Variants in PPP6R3 observed in about 807,000 individuals in gnomAD.
PPP6R3 encodes the protein serine/threonine-protein phosphatase 6 regulatory subunit 3.
In PPP6R3, 38 loss-of-function variants were observed where a neutral mutation model predicts 110.7. The observed-to-expected ratio is 0.34, with a 90% CI of 0.26 to 0.45. The LOEUF is 0.45. Among genes scored for constraint, PPP6R3 ranks in the 20% least tolerant of loss-of-function variants. PPP6R3 has a pLI of 1.00. For missense variants in PPP6R3, 870 were observed against 1,062.4 expected (o/e 0.82, Z 2.52); for synonymous variants, 369 against 373.5 (o/e 0.99, Z 0.14).
intron 1 of PPP6R3, among the ~76,000 whole-genome samples, chr11:68,502,901 G>A (rs2099055563): frequency 6.6e-6 from 1 of 152,102 alleles, no homozygotes; most frequent in African/African-American, 2.4e-5. Context: ...TGGTTGTTTT[G>A]GTTTTATAAA....
At chr11:68,567,612 T>C (rs1015173374) in intron 10 of PPP6R3, among the ~76,000 whole-genome samples, 8 of 152,194 alleles carry the variant, frequency 5.3e-5, no homozygotes, top group African/African-American at 1.9e-4. Flanking sequence ...TTAGCCTGCT[T>C]ACTGATGGAA....
At chr11:68,550,932 A>G (rs2099369379) in intron 5 of PPP6R3, 189 bp from the exon 6 acceptor site, 4 of 528,202 alleles carry the variant, frequency 7.6e-6, no homozygotes, top group Non-Finnish European at 9.9e-6. Flanking sequence ...ACTGTTGGCC[A>G]TTGTTAAAAC....
At chr11:68,529,214 G>T (rs1014074835) in intron 2 of PPP6R3, among the ~76,000 whole-genome samples, 1 of 152,000 alleles carries the variant, frequency 6.6e-6, no homozygotes, top group South Asian at 2.1e-4. Flanking sequence ...ACCTGTTTTT[G>T]GGTGTGTGTG....
At chr11:68,515,396 G>T (rs1425868967) in intron 1 of PPP6R3, among the ~76,000 whole-genome samples, 1 of 152,274 alleles carries the variant, frequency 6.6e-6, no homozygotes, top group Non-Finnish European at 1.5e-5. Flanking sequence ...ACAGGAGATG[G>T]CTGGGACAAA....
chr11:68,573,136 ATATATATATATATATAT>A (rs1565934289), intron 12 of PPP6R3, among the ~76,000 whole-genome samples: 2 of 109,536 alleles, frequency 1.8e-5, no homozygotes, highest in African/African-American at 7.8e-5. Context: ...ATATATATAT[ATATATATATATATATAT>A]AATTTTTTTT....
chr11:68,484,428 GC>G (rs1396899350), intron 1 of PPP6R3, among the ~76,000 whole-genome samples: 1 of 152,018 alleles, frequency 6.6e-6, no homozygotes, highest in Non-Finnish European at 1.5e-5. Flanking sequence ...TCTCATTGTT[GC>G]TTTAATTTGC....
At chr11:68,475,408 C>A (rs1243682844) in intron 1 of PPP6R3, among the ~76,000 whole-genome samples, 2 of 152,176 alleles carry the variant, frequency 1.3e-5, no homozygotes, top group Non-Finnish European at 2.9e-5. Context: ...CATCATGGCC[C>A]ATTCTCAATG....
In PPP6R3 at chr11:68,494,300, C is replaced by T. The variant is rs1034309874; in HGVS notation, c.-157-25201C>T. ...CAGCACTTTGGGAGGCCGAGGCGGG[C>T]GGATCACGAGGTCAGGAGATCGAGA... On this transcript the variant is annotated intron_variant, in intron 1 of 23. Transcript: ENST00000393800. 1.2e-4 allele frequency among the ~76,000 whole-genome samples: 17 copies of T among 147,370 alleles called. No individual in the cohort carries two copies. In the East Asian group the frequency reaches 1.6e-3, roughly 14 times the overall value.
intron 1 of PPP6R3, among the ~76,000 whole-genome samples, chr11:68,471,032 C>T (rs942813964): frequency 1.3e-5 from 2 of 151,732 alleles, no homozygotes. Context: ...CCTGTAATCC[C>T]AGCACTTTGG....
Position 68,542,155 on chromosome 11 carries a change from G to A in PPP6R3, c.228-2683G>A, listed in dbSNP as rs2099319510. Among the ~76,000 whole-genome samples, 3 of 151,278 alleles carry A rather than the reference G, an allele frequency of 2.0e-5. No homozygotes were observed. The South Asian group carries it at 6.3e-4, about 32-fold the overall frequency. ...ATGCATTGTGCTGGAGTGGGCGGGG[G>A]TGGGGGCATGTGGTCCAGAGCATAC... On this transcript the variant is annotated intron_variant, in intron 3 of 23. Transcript: ENST00000393800.
At chr11:68,481,612 G>A (rs1323058032) in intron 1 of PPP6R3, among the ~76,000 whole-genome samples, 1 of 152,162 alleles carries the variant, frequency 6.6e-6, no homozygotes, top group African/African-American at 2.4e-5. Flanking sequence ...AAATATTGGT[G>A]GGCATGTTTG....
chr11:68,539,587 A>G (rs1289224526), intron 3 of PPP6R3, among the ~76,000 whole-genome samples: 1 of 152,210 alleles, frequency 6.6e-6, no homozygotes, highest in Non-Finnish European at 1.5e-5. Flanking sequence ...TGTGTGTAAC[A>G]TATCTTGGAT....
At chr11:68,535,800 A>T (rs981244459) in intron 2 of PPP6R3, among the ~76,000 whole-genome samples, 96 of 109,750 alleles carry the variant, frequency 8.7e-4, no homozygotes, top group Non-Finnish European at 1.2e-3. Flanking sequence ...CGTCTCTACT[A>T]AAAAAAAAAA....
intron 12 of PPP6R3, 111 bp downstream of exon 12, chr11:68,571,215 A>G (rs113374981): frequency 0.011 from 14,681 of 1,319,546 alleles, 105 homozygotes; most frequent in Non-Finnish European, 0.013. Context: ...GATACTGGCC[A>G]TTTTACAATT....
At chr11:68,477,945 A>T (rs1469073633) in intron 1 of PPP6R3, among the ~76,000 whole-genome samples, 1 of 150,524 alleles carries the variant, frequency 6.6e-6, no homozygotes. Flanking sequence ...TGTGTTGCCC[A>T]GGCTGGTCTT....
intron 1 of PPP6R3, among the ~76,000 whole-genome samples, chr11:68,470,490 C>T (rs540542298): frequency 2.4e-4 from 36 of 151,962 alleles, no homozygotes; most frequent in African/African-American, 7.5e-4. Context: ...GGGGGGAGGG[C>T]GTAGGTCACA....
chr11:68,582,214 G>A (rs752245084), intron 14 of PPP6R3, among the ~76,000 whole-genome samples: 18 of 152,148 alleles, frequency 1.2e-4, no homozygotes, highest in Non-Finnish European at 2.5e-4. Context: ...TAAGTTACCC[G>A]CAGAAATATA....
rs751222227 is a variant in PPP6R3 at position 68,601,995 on chromosome 11, C to T, written c.2299+26C>T. On this transcript the variant is annotated intron_variant, in intron 21 of 23. Transcript: ENST00000393800. ...GTGCGTGCAGAGAGGCCTGGGTACA[C>T]GCCAGGGTCACGTGGCTGCTTTGTC... 38 of 1,546,838 alleles carry T rather than the reference C, an allele frequency of 2.5e-5. No homozygotes were observed. In the Middle Eastern group the frequency reaches 7.6e-4, roughly 31 times the overall value.
At chr11:68,462,098 C>G (rs919356383) in intron 1 of PPP6R3, among the ~76,000 whole-genome samples, 4 of 152,178 alleles carry the variant, frequency 2.6e-5, no homozygotes, top group African/African-American at 9.7e-5. Flanking sequence ...GATAATTGCC[C>G]TAATACATGT....
Sources: gnomAD v4.1 joint callset for allele counts (sites outside exome capture counted in the v4.1 genomes callset) on GRCh38, gnomAD v4.1.1 for gene constraint, MANE v1.5 for transcripts, NCBI Gene and HGNC (gene_info 2026-07-23, HGNC 2026-07-21) for gene names.